PTPRD: variants seen among roughly 807,000 people sequenced by gnomAD.
PTPRD encodes the protein protein tyrosine phosphatase receptor type D, also known as receptor-type tyrosine-protein phosphatase delta.
In PTPRD, 34 loss-of-function variants were observed where a neutral mutation model predicts 214.5. That is an observed-to-expected ratio of 0.16 (90% confidence interval 0.12 to 0.21). The LOEUF (loss-of-function observed/expected upper bound fraction) is 0.21, where lower values mean the gene tolerates loss of function less well. Among genes scored for constraint, PTPRD ranks in the 10% least tolerant of loss-of-function variants. The pLI, the probability that PTPRD is intolerant of heterozygous loss-of-function variation, is 1.00. For missense variants in PTPRD, 2,545 were observed against 2,398.7 expected (o/e 1.06, Z -1.27); for synonymous variants, 1,128 against 845.7 (o/e 1.33, Z -5.79).
chr9:8,822,420 T>A (rs1390656913), intron 11 of PTPRD, among the ~76,000 whole-genome samples: 2 of 152,216 alleles, frequency 1.3e-5, no homozygotes, highest in Admixed American at 1.3e-4. Flanking sequence ...AGAGAAAGTA[T>A]ACTTTAAATT....
chr9:9,619,789 A>G (rs2095130204), intron 7 of PTPRD, among the ~76,000 whole-genome samples: 2 of 146,750 alleles, frequency 1.4e-5, no homozygotes, highest in Admixed American at 1.4e-4. Context: ...ACAAATATCT[A>G]TCTATATAGA....
chr9:8,667,416 T>C (rs1020046098), intron 12 of PTPRD, among the ~76,000 whole-genome samples: 1 of 152,154 alleles, frequency 6.6e-6, no homozygotes, highest in Admixed American at 6.6e-5. Context: ...CAGTTCAACA[T>C]ATCCTCATGT....
intron 3 of PTPRD, among the ~76,000 whole-genome samples, chr9:10,048,459 C>T (rs1325385643): frequency 1.3e-5 from 2 of 152,106 alleles, no homozygotes; most frequent in Non-Finnish European, 2.9e-5. Context: ...CTGACCATTG[C>T]TATCTGGATT....
At chr9:9,874,366 C>G (rs1722015639) in intron 5 of PTPRD, among the ~76,000 whole-genome samples, 1 of 152,112 alleles carries the variant, frequency 6.6e-6, no homozygotes, top group African/African-American at 2.4e-5. Flanking sequence ...AAACAATCAA[C>G]TACATTACAT....
intron 33 of PTPRD, among the ~76,000 whole-genome samples, chr9:8,459,585 T>C (rs989302475): frequency 2.0e-5 from 3 of 152,030 alleles, no homozygotes; most frequent in African/African-American, 4.8e-5. Context: ...ATGTCCTCTA[T>C]CTAACTGACT....
At chr9:9,340,861 T>A (rs2046517081) in intron 9 of PTPRD, among the ~76,000 whole-genome samples, 1 of 152,168 alleles carries the variant, frequency 6.6e-6, no homozygotes, top group African/African-American at 2.4e-5. Flanking sequence ...AGAAGGCATA[T>A]AATTCATTTT....
intron 9 of PTPRD, among the ~76,000 whole-genome samples, chr9:9,258,438 A>G (rs1039169555): frequency 2.0e-5 from 3 of 151,900 alleles, no homozygotes; most frequent in Non-Finnish European, 4.4e-5. Flanking sequence ...AAATAAAAAA[A>G]AAAATACAAC....
chr9:10,447,808 CA>C (rs1427824481), intron 2 of PTPRD, among the ~76,000 whole-genome samples: 11 of 151,904 alleles, frequency 7.2e-5, no homozygotes, highest in Admixed American at 6.5e-4. Context: ...TTATTCTATG[CA>C]AAGTAGTATA....
chr9:10,495,051 A>C (rs73644472), intron 2 of PTPRD, among the ~76,000 whole-genome samples: 8,811 of 151,848 alleles, frequency 0.058, 827 homozygotes, highest in African/African-American at 0.2. Context: ...ACATTTTCAC[A>C]TTTATCACAT....
intron 11 of PTPRD, among the ~76,000 whole-genome samples, chr9:8,994,706 A>C (rs1041059038): frequency 1.3e-5 from 2 of 151,966 alleles, no homozygotes; most frequent in Non-Finnish European, 2.9e-5. Flanking sequence ...CAGTGAGGGA[A>C]GGCAAGGGAA....
intron 8 of PTPRD, among the ~76,000 whole-genome samples, chr9:9,464,771 T>A (rs1229223155): frequency 1.3e-5 from 2 of 152,176 alleles, no homozygotes; most frequent in South Asian, 4.1e-4. Context: ...TTTATTTATT[T>A]TCTTCCTTAA....
intron 8 of PTPRD, among the ~76,000 whole-genome samples, chr9:9,523,151 T>G (rs2097030246): frequency 6.6e-6 from 1 of 152,190 alleles, no homozygotes; most frequent in Non-Finnish European, 1.5e-5. Context: ...TTTATAATTT[T>G]TAAAAAAATG....
At chr9:8,837,327 A>G (rs2097451487) in intron 11 of PTPRD, among the ~76,000 whole-genome samples, 1 of 152,096 alleles carries the variant, frequency 6.6e-6, no homozygotes, top group Admixed American at 6.5e-5. Context: ...AACTTATTTT[A>G]AAAACAAGAG....
At chr9:8,711,095 G>T (rs72700393) in intron 12 of PTPRD, among the ~76,000 whole-genome samples, 14,462 of 151,836 alleles carry the variant, frequency 0.095, 826 homozygotes, top group East Asian at 0.2. Context: ...GTTATTTCAT[G>T]CCATAACTCA....
At chr9:8,685,948 A>G (rs1424591696) in intron 12 of PTPRD, among the ~76,000 whole-genome samples, 1 of 152,208 alleles carries the variant, frequency 6.6e-6, no homozygotes, top group Non-Finnish European at 1.5e-5. Context: ...TTCTAGTTTC[A>G]GCTGCTTTCA....
At chr9:8,705,631 TAGAC>T (rs1328935892) in intron 12 of PTPRD, among the ~76,000 whole-genome samples, 2 of 152,218 alleles carry the variant, frequency 1.3e-5, no homozygotes, top group Non-Finnish European at 2.9e-5. Context: ...CTTCTTAAGT[TAGAC>T]AGCAGTTAAA....
intron 8 of PTPRD, among the ~76,000 whole-genome samples, chr9:9,502,682 C>T (rs891140992): frequency 1.3e-5 from 2 of 151,660 alleles, no homozygotes; most frequent in Non-Finnish European, 2.9e-5. Flanking sequence ...CTGTAAACAA[C>T]CCAGATTTTC....
chr9:9,971,509 A>C (rs2095100660), intron 4 of PTPRD, among the ~76,000 whole-genome samples: 1 of 152,224 alleles, frequency 6.6e-6, no homozygotes, highest in Non-Finnish European at 1.5e-5. Context: ...TATAAAAAGC[A>C]ACAAAACTTC....
At chr9:9,936,850 A>G (rs529102853) in intron 5 of PTPRD, among the ~76,000 whole-genome samples, 1 of 143,422 alleles carries the variant, frequency 7.0e-6, no homozygotes, top group African/African-American at 2.7e-5. Context: ...GATAGACTGG[A>G]TTAAGAAAAT....
Sources: allele counts gnomAD v4.1 joint callset (sites outside exome capture counted in the v4.1 genomes callset), GRCh38; gene constraint gnomAD v4.1.1; transcripts MANE v1.5; gene names NCBI Gene and HGNC (gene_info 2026-07-23, HGNC 2026-07-21).